The following TRIM36 variants were observed in gnomAD, a reference collection of about 807,000 sequenced individuals.
TRIM36 encodes tripartite motif containing 36.
A neutral mutation model predicts 72.4 loss-of-function variants in TRIM36; 42 were observed. The ratio of observed to expected loss-of-function variants is 0.58; its 90% CI spans 0.45 to 0.75. TRIM36 has a LOEUF of 0.75. Among genes scored for constraint, TRIM36 ranks in the 30% least tolerant of loss-of-function variants. The pLI is 0.00. For synonymous variants in TRIM36, 315 were observed against 282.8 expected, an observed-to-expected ratio of 1.11 and a Z score of -1.14; for missense variants, 913 against 857.1, an observed-to-expected ratio of 1.07 and a Z score of -0.81.
intron 9 of TRIM36, among the ~76,000 whole-genome samples, chr5:115,130,150 G>A (rs967636172): frequency 2.6e-5 from 4 of 152,156 alleles, no homozygotes; most frequent in Non-Finnish European, 4.4e-5. Context: ...TTAAGAAACT[G>A]GAAGTCTTTG....
intron 2 of TRIM36, among the ~76,000 whole-genome samples, chr5:115,147,958 A>C (rs1487621288): frequency 6.6e-6 from 1 of 152,248 alleles, no homozygotes. Flanking sequence ...TCAGATTTTC[A>C]AAAGAATATG....
intron 7 of TRIM36, among the ~76,000 whole-genome samples, chr5:115,134,687 C>G (rs1441062201): frequency 2.0e-5 from 3 of 151,918 alleles, no homozygotes; most frequent in Non-Finnish European, 4.4e-5. Context: ...ATTACAGGTG[C>G]GTGCTACCAC....
chr5:115,171,158 G>C (rs748520223), upstream of TRIM36: 10 of 1,614,088 alleles, frequency 6.2e-6, no homozygotes. Context: ...GTCTGTCGCT[G>C]TGGCAAGTTC....
intron 9 of TRIM36, among the ~76,000 whole-genome samples, chr5:115,128,738 G>A (rs565433216): frequency 2.4e-4 from 21 of 86,794 alleles, no homozygotes; most frequent in Non-Finnish European, 5.1e-4. Context: ...CGGCCTGGGC[G>A]ACAGAGCGAG....
chr5:115,143,778 G>A (rs1023421085), intron 4 of TRIM36, among the ~76,000 whole-genome samples: 1 of 152,186 alleles, frequency 6.6e-6, no homozygotes, highest in African/African-American at 2.4e-5. Context: ...AAAACGAAAA[G>A]ATAGTAGTGT....
chr5:115,163,591 G>A lies in TRIM36; in HGVS notation c.189C>T (p.Asn63=). 6.2e-7 allele frequency: 1 copy of A among 1,614,190 alleles called. No individual in the cohort carries two copies. Among genetic ancestry groups the A allele is most frequent in the Middle Eastern group, 1.6e-4 (1 of 6,062 alleles). ...DDSFNDVGSD[N]SNQSSPRLRL... ...GAAGTCGAGGACTGCTTTGATTGGA[G>A]TTGTCTGATCCCACATCGTTGAATG... The change falls in exon 2 of 10, where the codon AAC becomes AAT. Residue 63 remains asparagine, a synonymous_variant. Coordinates refer to ENST00000513154, the MANE Select transcript of TRIM36 (RefSeq NM_001300759.2).
At chr5:115,143,713 G>T (rs890498753) in intron 4 of TRIM36, among the ~76,000 whole-genome samples, 1 of 152,140 alleles carries the variant, frequency 6.6e-6, no homozygotes, top group East Asian at 1.9e-4. Context: ...AACAAAATGG[G>T]TAGTAGGTAC....
At chr5:115,148,155 T>C (rs1753692557) in intron 2 of TRIM36, among the ~76,000 whole-genome samples, 1 of 152,192 alleles carries the variant, frequency 6.6e-6, no homozygotes, top group South Asian at 2.1e-4. Flanking sequence ...TAATAACTTC[T>C]TATGACCTGA....
intron 2 of TRIM36, among the ~76,000 whole-genome samples, chr5:115,161,813 T>A (rs550489469): frequency 6.6e-6 from 1 of 152,140 alleles, no homozygotes; most frequent in South Asian, 2.1e-4. Context: ...AATCAAATAT[T>A]TATTGTCTCC....
intron 7 of TRIM36, among the ~76,000 whole-genome samples, chr5:115,134,357 G>A (rs1336188410): frequency 6.6e-6 from 1 of 151,718 alleles, no homozygotes; most frequent in Non-Finnish European, 1.5e-5. Context: ...GTAACTGAAA[G>A]GAGAAAGAAG....
chr5:115,172,608 C>T (rs750852925), upstream of TRIM36, among the ~76,000 whole-genome samples: 53 of 152,116 alleles, frequency 3.5e-4, no homozygotes, highest in Admixed American at 2.0e-3. Context: ...TGGTGGCACA[C>T]GCCTGTAATC....
At chr5:115,169,946 A>G, upstream of TRIM36, 11 of 1,228,124 alleles carry the variant, frequency 9.0e-6, no homozygotes, top group Non-Finnish European at 1.1e-5. Flanking sequence ...TGGGCGGGGC[A>G]CCGCGGGGCG....
In TRIM36 at chr5:115,169,581, G is replaced by A. The variant is rs547588013; in HGVS notation, c.27+27C>T. ...GCGGTCGGCACACCGCCCTCGAGGT[G>A]GGGGCGGCGGTCCCCTCCGCACTCA... On this transcript the variant is annotated intron_variant, in intron 1 of 9. Coordinates refer to ENST00000513154, the MANE Select transcript of TRIM36 (RefSeq NM_001300759.2). 2,854 of 1,506,184 alleles carry A rather than the reference G, an allele frequency of 1.9e-3. 17 individuals are homozygous for A. The highest frequency in any genetic ancestry group is 1.7e-3 in the Non-Finnish European group (1,923 of 1,129,930). The allele number at this position is 1,506,184 out of a possible 1,614,324, so 93.3% of individuals were successfully genotyped here.
intron 1 of TRIM36, chr5:115,177,787 G>C: frequency 1.2e-6 from 2 of 1,614,142 alleles, no homozygotes; most frequent in South Asian, 1.1e-5. Flanking sequence ...TCCAACCTCA[G>C]AGATTTCAAA....
intron 4 of TRIM36, among the ~76,000 whole-genome samples, chr5:115,143,366 A>G (rs563487757): frequency 2.6e-5 from 4 of 152,242 alleles, no homozygotes; most frequent in African/African-American, 9.6e-5. Flanking sequence ...CAAAAGACCC[A>G]AACGTTTCCA....
At chr5:115,171,437 G>T (rs750529759), upstream of TRIM36, among the ~76,000 whole-genome samples, 18 of 152,128 alleles carry the variant, frequency 1.2e-4, no homozygotes, top group Non-Finnish European at 2.1e-4. Flanking sequence ...GTGCTAATCA[G>T]GAGGAGACTA....
At chr5:115,130,934 C>A in intron 8 of TRIM36, 45 bp from the exon 9 acceptor site, 1 of 1,553,810 alleles carries the variant, frequency 6.4e-7, no homozygotes, top group Non-Finnish European at 8.7e-7. Flanking sequence ...ATTATCATTG[C>A]TCTAGTTTGT....
intron 2 of TRIM36, among the ~76,000 whole-genome samples, chr5:115,156,575 C>T (rs2112882421): frequency 6.6e-6 from 1 of 152,290 alleles, no homozygotes; most frequent in African/African-American, 2.4e-5. Flanking sequence ...TAAAGGACAT[C>T]CTTTTCAAGA....
At position 115,137,577 on chromosome 5, in the gene TRIM36, A is replaced by G. The variant is rs758672755; in HGVS notation, c.871T>C (p.Phe291Leu). The G allele has an allele frequency of 4.5e-5, 72 of 1,613,084 alleles. No individual in the cohort carries two copies. The highest frequency in any genetic ancestry group is 5.6e-5 in the Non-Finnish European group (66 of 1,179,744). ...ERAKEEAITH[F>L]EKLFEVLEER... ...TCCAGAACTTCAAAGAGCTTTTCAA[A>G]ATGTGTAATTGCTTCTTCTTTAGCC... The change falls in exon 6 of 10, where the codon TTT becomes CTT. Residue 291 changes from phenylalanine to leucine, a missense_variant. Physicochemically the swap from Phe to Leu is conservative, Grantham distance 22 (BLOSUM62 0). Coordinates refer to ENST00000513154, the MANE Select transcript of TRIM36 (RefSeq NM_001300759.2).
Sources: allele counts gnomAD v4.1 joint callset (sites outside exome capture counted in the v4.1 genomes callset), GRCh38; gene constraint gnomAD v4.1.1; transcripts MANE v1.5; gene names NCBI Gene and HGNC (gene_info 2026-07-23, HGNC 2026-07-21).